The following BMERB1 variants were observed in gnomAD, a reference collection of about 807,000 sequenced individuals.
The protein encoded by BMERB1 is bMERB domain containing 1, also known as bMERB domain-containing protein 1.
A neutral mutation model predicts 23.6 loss-of-function variants in BMERB1; 12 were observed. That is an observed-to-expected ratio of 0.51 (90% CI 0.33 to 0.82). The LOEUF (loss-of-function observed/expected upper bound fraction) is 0.82, where lower values mean the gene tolerates loss of function less well. BMERB1 is among the 40% of genes least tolerant of loss of function. The pLI, the probability that BMERB1 is intolerant of heterozygous loss-of-function variation, is 0.03. For synonymous variants in BMERB1, 122 were observed against 96.6 expected, an observed-to-expected ratio of 1.26 and a Z score of -1.54; for missense variants, 247 against 255.4, an observed-to-expected ratio of 0.97 and a Z score of 0.22.
chr16:15,485,199 A>G (rs938052923), intron 1 of BMERB1, among the ~76,000 whole-genome samples: 8 of 152,174 alleles, frequency 5.3e-5, no homozygotes, highest in Non-Finnish European at 1.0e-4. Context: ...GTGGCGGTAG[A>G]ATATTCTGAT....
chr16:15,575,959 G>A (rs1367672140), intron 3 of BMERB1, among the ~76,000 whole-genome samples: 1 of 151,750 alleles, frequency 6.6e-6, no homozygotes, highest in East Asian at 1.9e-4. Flanking sequence ...TTTTGATTTA[G>A]TTCTAGGAAG....
intron 3 of BMERB1, among the ~76,000 whole-genome samples, chr16:15,575,136 C>A (rs1348767952): frequency 2.0e-5 from 3 of 152,198 alleles, no homozygotes; most frequent in South Asian, 2.1e-4. Context: ...AGAATGGCAT[C>A]CCTGGCCCAT....
intron 2 of BMERB1, among the ~76,000 whole-genome samples, chr16:15,536,018 G>T (rs1438739275): frequency 2.0e-5 from 3 of 152,072 alleles, no homozygotes; most frequent in Admixed American, 6.6e-5. Flanking sequence ...TCCCTCCCTC[G>T]ACACGTGGGG....
intron 1 of BMERB1, among the ~76,000 whole-genome samples, chr16:15,436,679 T>A (rs2050891081): frequency 6.6e-6 from 1 of 152,098 alleles, no homozygotes; most frequent in South Asian, 2.1e-4. Flanking sequence ...ACCATCTCTG[T>A]GTCCCCCCAT....
chr16:15,488,286 C>T (rs572615044), intron 1 of BMERB1, among the ~76,000 whole-genome samples: 1 of 152,236 alleles, frequency 6.6e-6, no homozygotes, highest in East Asian at 1.9e-4. Flanking sequence ...CACGCTGACC[C>T]CTTGCCCCCC....
intron 1 of BMERB1, among the ~76,000 whole-genome samples, chr16:15,469,023 G>A (rs935185147): frequency 3.4e-5 from 5 of 145,522 alleles, no homozygotes; most frequent in Non-Finnish European, 7.4e-5. Context: ...GCTGGAGTCC[G>A]GTGGTGCAGT....
chr16:15,546,001 TG>T (rs200134470), intron 2 of BMERB1, among the ~76,000 whole-genome samples: 6,587 of 151,700 alleles, frequency 0.043, 205 homozygotes, highest in Non-Finnish European at 0.071. Context: ...AAGAAGAGGG[TG>T]GGGGCCAGGC....
chr16:15,565,818 CCTTGGGTGATACAG>C (rs754853446), intron 2 of BMERB1, among the ~76,000 whole-genome samples: 1 of 152,176 alleles, frequency 6.6e-6, no homozygotes, highest in Non-Finnish European at 1.5e-5. Context: ...TATGACTGTG[CCTTGGGTGATACAG>C]CAGGACCCTG....
intron 2 of BMERB1, among the ~76,000 whole-genome samples, chr16:15,561,255 C>CTTT (rs1387833018): frequency 1.5e-5 from 1 of 67,788 alleles, no homozygotes; most frequent in Non-Finnish European, 2.8e-5. Flanking sequence ...CCACGCCGGC[C>CTTT]ATTTTTTTTT....
At chr16:15,531,408 C>A (rs2051965823) in intron 2 of BMERB1, among the ~76,000 whole-genome samples, 1 of 152,068 alleles carries the variant, frequency 6.6e-6, no homozygotes, top group Non-Finnish European at 1.5e-5. Context: ...ATCCCTTTTG[C>A]CGTGTAAGGT....
intron 1 of BMERB1, among the ~76,000 whole-genome samples, chr16:15,465,440 C>T (rs1032854294): frequency 6.6e-6 from 1 of 150,802 alleles, no homozygotes; most frequent in Non-Finnish European, 1.5e-5. Flanking sequence ...GCAAACTCTG[C>T]CTCCTGGGTT....
intron 1 of BMERB1, among the ~76,000 whole-genome samples, chr16:15,509,224 C>T (rs183454890): frequency 1.8e-4 from 27 of 150,352 alleles, no homozygotes; most frequent in African/African-American, 6.1e-4. Flanking sequence ...CAAGGATACT[C>T]ATATCGTGGG....
intron 2 of BMERB1, among the ~76,000 whole-genome samples, chr16:15,515,743 G>A (rs758183746): frequency 7.9e-5 from 12 of 152,246 alleles, no homozygotes; most frequent in Middle Eastern, 6.8e-3. Context: ...TTTCACGAGC[G>A]CACACTCTGC....
At chr16:15,434,997 T>G (rs1045415390) in intron 1 of BMERB1, among the ~76,000 whole-genome samples, 10 of 152,226 alleles carry the variant, frequency 6.6e-5, no homozygotes, top group African/African-American at 2.4e-4. Context: ...GCCAGGCAGC[T>G]AAGGCAGGAG....
intron 1 of BMERB1, among the ~76,000 whole-genome samples, chr16:15,503,315 T>C (rs891996364): frequency 4.6e-5 from 7 of 151,890 alleles, no homozygotes; most frequent in Admixed American, 2.6e-4. Context: ...GGAGTCTCGC[T>C]CTGTTGCCCA....
chr16:15,470,798 A>G (rs866991102), intron 1 of BMERB1, among the ~76,000 whole-genome samples: 9 of 126,648 alleles, frequency 7.1e-5, no homozygotes, highest in Middle Eastern at 4.4e-3. Flanking sequence ...TGCTGGGATT[A>G]TAGGCATGAG....
At chr16:15,457,057 C>G (rs2150926396) in intron 1 of BMERB1, among the ~76,000 whole-genome samples, 1 of 152,214 alleles carries the variant, frequency 6.6e-6, no homozygotes, top group African/African-American at 2.4e-5. Context: ...AACTCCTGAC[C>G]TCAAGTTATC....
intron 1 of BMERB1, among the ~76,000 whole-genome samples, chr16:15,489,071 A>G (rs902027041): frequency 1.3e-5 from 2 of 152,090 alleles, no homozygotes; most frequent in Non-Finnish European, 2.9e-5. Context: ...GGTTCACAGC[A>G]AAGTTCTGGG....
At chr16:15,456,689 C>T (rs1355654716) in intron 1 of BMERB1, among the ~76,000 whole-genome samples, 1 of 152,096 alleles carries the variant, frequency 6.6e-6, no homozygotes, top group East Asian at 1.9e-4. Context: ...CATAATTTTT[C>T]AGTGTCTGGT....
Sources: allele counts gnomAD v4.1 joint callset (sites outside exome capture counted in the v4.1 genomes callset), GRCh38; gene constraint gnomAD v4.1.1; transcripts MANE v1.5; gene names NCBI Gene and HGNC (gene_info 2026-07-23, HGNC 2026-07-21).